Variants in PAPPA observed in about 807,000 individuals in gnomAD.
The protein encoded by PAPPA is pappalysin 1.
In PAPPA, 60 loss-of-function variants were observed where a neutral mutation model predicts 164.0. The ratio of observed to expected loss-of-function variants is 0.37; its 90% confidence interval spans 0.30 to 0.45. The LOEUF is 0.45. Ranked by LOEUF, PAPPA falls within the 20% of genes least tolerant of loss-of-function variation. The pLI is 1.00. For synonymous variants in PAPPA, 875 were observed against 814.1 expected, an observed-to-expected ratio of 1.07 and a Z score of -1.27; for missense variants, 1,782 against 2,087.3, an observed-to-expected ratio of 0.85 and a Z score of 2.85.
intron 8 of PAPPA, among the ~76,000 whole-genome samples, chr9:116,267,956 T>G (rs1845091346): frequency 2.0e-5 from 3 of 151,720 alleles, no homozygotes; most frequent in Admixed American, 2.0e-4. Flanking sequence ...AAGTAATTAT[T>G]TGCATAATCT....
At chr9:116,310,947 A>G (rs1326587991) in intron 10 of PAPPA, among the ~76,000 whole-genome samples, 2 of 152,188 alleles carry the variant, frequency 1.3e-5, no homozygotes, top group Non-Finnish European at 2.9e-5. Flanking sequence ...TGATCTAGAA[A>G]TACAGTTTTC....
intron 8 of PAPPA, among the ~76,000 whole-genome samples, chr9:116,267,881 CAAAAAAAAAAAAAA>C (rs61670954): frequency 5.2e-5 from 3 of 57,596 alleles, no homozygotes; most frequent in African/African-American, 1.9e-4. Context: ...GACTCCGTCT[CAAAAAAAAAAAAAA>C]AAAAAAAAAA....
At chr9:116,188,308 A>G (rs1844002959) in intron 2 of PAPPA, 92 bp downstream of exon 2, 1 of 922,106 alleles carries the variant, frequency 1.1e-6, no homozygotes, top group African/African-American at 1.7e-5. Context: ...AGTGGGTGAT[A>G]TGGGGATTTT....
intron 17 of PAPPA, among the ~76,000 whole-genome samples, chr9:116,358,977 G>T (rs919153586): frequency 3.3e-5 from 5 of 152,140 alleles, no homozygotes; most frequent in Admixed American, 6.5e-5. Context: ...TATATAATTG[G>T]ACTCACATGA....
At chr9:116,285,142 CTTTCT>C (rs1845317455) in intron 9 of PAPPA, among the ~76,000 whole-genome samples, 1 of 131,180 alleles carries the variant, frequency 7.6e-6, no homozygotes, top group South Asian at 2.6e-4. Context: ...TTTCTTTTTT[CTTTCT>C]TTTTCTTTTT....
intron 9 of PAPPA, among the ~76,000 whole-genome samples, chr9:116,278,705 A>G (rs761267868): frequency 2.0e-5 from 3 of 151,806 alleles, no homozygotes; most frequent in Non-Finnish European, 4.4e-5. Flanking sequence ...TTGTCATAGC[A>G]ATGTTGGAGA....
chr9:116,220,549 T>G (rs1844431434), intron 5 of PAPPA, among the ~76,000 whole-genome samples: 1 of 107,922 alleles, frequency 9.3e-6, no homozygotes, highest in Admixed American at 1.1e-4. Context: ...GATATATATA[T>G]TTATGTGTGT....
At chr9:116,236,399 A>G (rs1322837101) in intron 7 of PAPPA, among the ~76,000 whole-genome samples, 1 of 152,042 alleles carries the variant, frequency 6.6e-6, no homozygotes, top group Non-Finnish European at 1.5e-5. Flanking sequence ...AGCCTGGCTA[A>G]CATGGTGAAA....
chr9:116,238,894 A>G (rs1038797998), intron 7 of PAPPA, among the ~76,000 whole-genome samples: 7 of 152,160 alleles, frequency 4.6e-5, no homozygotes, highest in Admixed American at 1.3e-4. Context: ...ACCCCACCAC[A>G]AATACCTCTT....
chr9:116,200,148 G>A (rs759711896), intron 2 of PAPPA, among the ~76,000 whole-genome samples: 3 of 152,184 alleles, frequency 2.0e-5, no homozygotes, highest in Non-Finnish European at 4.4e-5. Context: ...AACCTTGCAA[G>A]TGAGGGCTTG....
chr9:116,263,672 G>C (rs984151448), intron 7 of PAPPA, among the ~76,000 whole-genome samples: 1 of 152,122 alleles, frequency 6.6e-6, no homozygotes. Context: ...TTTGAAATAG[G>C]CTCAGAAAGG....
chr9:116,348,891 T>C (rs1042098933), intron 15 of PAPPA, among the ~76,000 whole-genome samples: 4 of 152,208 alleles, frequency 2.6e-5, no homozygotes, highest in Non-Finnish European at 5.9e-5. Context: ...ATTTTCTTTA[T>C]TCAGTCTATC....
intron 19 of PAPPA, chr9:116,373,300 T>C (rs1005825524): frequency 3.3e-5 from 5 of 152,086 alleles, no homozygotes. Flanking sequence ...ACATCGACTA[T>C]GCACCTCCAA....
chr9:116,327,579 T>C (rs947951671), intron 10 of PAPPA, among the ~76,000 whole-genome samples: 1 of 40,020 alleles, frequency 2.5e-5, no homozygotes, highest in African/African-American at 4.8e-5. Context: ...ATTTGCCTTT[T>C]TGGAAGGTGA....
intron 10 of PAPPA, among the ~76,000 whole-genome samples, chr9:116,306,115 A>G (rs1845641707): frequency 6.6e-6 from 1 of 152,204 alleles, no homozygotes; most frequent in South Asian, 2.1e-4. Context: ...CCCTGATGCA[A>G]TAAAAATGAT....
intron 1 of PAPPA, among the ~76,000 whole-genome samples, chr9:116,179,223 G>A (rs1843872226): frequency 6.6e-6 from 1 of 152,156 alleles, no homozygotes; most frequent in Non-Finnish European, 1.5e-5. Flanking sequence ...TAAAAAAGGT[G>A]AACAGACCCA....
chr9:116,309,713 G>C (rs1283023657), intron 10 of PAPPA, among the ~76,000 whole-genome samples: 1 of 151,990 alleles, frequency 6.6e-6, no homozygotes, highest in Non-Finnish European at 1.5e-5. Context: ...AATAGATGAA[G>C]GGGAAGTCAA....
chr9:116,293,202 G>C (rs1413790150), intron 9 of PAPPA, among the ~76,000 whole-genome samples: 1 of 152,214 alleles, frequency 6.6e-6, no homozygotes, highest in African/African-American at 2.4e-5. Context: ...CATAGAAAGA[G>C]AGATGTGGGA....
In PAPPA at chr9:116,202,149, TACAGGTGAAAACAGGCCTTCTCA is replaced by T. The variant is rs1363295075; in HGVS notation, c.1479-5306_1479-5284del. On this transcript the variant is annotated intron_variant, in intron 2 of 21. Coordinates refer to ENST00000328252, the MANE Select transcript of PAPPA (RefSeq NM_002581.5). ...CGGGAAGGCCAGTGTATTATGCTTC[TACAGGTGAAAACAGGCCTTCTCA>T]CACTTTTTTCCCATGATTTTATTTA... is the stretch of plus-strand genomic sequence containing the variant. 3.9e-5 allele frequency among the ~76,000 whole-genome samples: 6 copies of T among 152,326 alleles called. No individual in the cohort carries two copies. The East Asian group carries it at 9.6e-4, about 24-fold the overall frequency.
Sources: allele counts gnomAD v4.1 joint callset (sites outside exome capture counted in the v4.1 genomes callset), GRCh38; gene constraint gnomAD v4.1.1; transcripts MANE v1.5; gene names NCBI Gene and HGNC (gene_info 2026-07-23, HGNC 2026-07-21).